ANXA8: variants seen among roughly 807,000 people sequenced by gnomAD.
ANXA8 encodes annexin A8.
In ANXA8, 9 loss-of-function variants were observed where a neutral mutation model predicts 26.8. The ratio of observed to expected loss-of-function variants is 0.34; its 90% CI spans 0.20 to 0.59. The LOEUF (loss-of-function observed/expected upper bound fraction) is 0.59. Ranked by LOEUF, ANXA8 falls within the 20% of genes least tolerant of loss-of-function variation. ANXA8 has a pLI of 0.84. For synonymous variants in ANXA8, 39 were observed against 94.8 expected (o/e 0.41, Z 3.42); for missense variants, 83 against 238.5 (o/e 0.35, Z 4.29).
chr10:47,538,474 A>G, the ANXA8 span: 2 of 136,222 alleles, frequency 1.5e-5, no homozygotes, highest in Admixed American at 1.5e-4. Context: ...GTGTGCACAC[A>G]CTGATGCCCC....
At chr10:47,649,948 C>T in the ANXA8 span, among the ~76,000 whole-genome samples, 1 of 151,092 alleles carries the variant, frequency 6.6e-6, no homozygotes, top group East Asian at 2.0e-4. Context: ...GTGCTCACTC[C>T]TGTAATCCCA....
chr10:47,696,378 T>A, the ANXA8 span: 2 of 1,152,484 alleles, frequency 1.7e-6, no homozygotes, highest in Non-Finnish European at 2.4e-6. Flanking sequence ...TATGGCATGA[T>A]CAGAATGTTT....
At chr10:47,943,473 C>T in the ANXA8 span, among the ~76,000 whole-genome samples, 1 of 146,298 alleles carries the variant, frequency 6.8e-6, no homozygotes, top group Non-Finnish European at 1.5e-5. Context: ...ACCCTCCCTT[C>T]CTGGGCCCTG....
At chr10:47,580,756 A>AAC in the ANXA8 span, among the ~76,000 whole-genome samples, 76 of 65,558 alleles carry the variant, frequency 1.2e-3, 1 homozygote, top group South Asian at 0.011. Context: ...AACAAAACAA[A>AAC]AAAAAAAAAC....
At chr10:47,898,757 T>G in the ANXA8 span, among the ~76,000 whole-genome samples, 2 of 109,202 alleles carry the variant, frequency 1.8e-5, no homozygotes, top group Admixed American at 9.1e-5. Context: ...TATGACATTT[T>G]AGTCAAAGCC....
the ANXA8 span, among the ~76,000 whole-genome samples, chr10:47,656,913 A>G: frequency 6.7e-6 from 1 of 149,404 alleles, no homozygotes; most frequent in African/African-American, 2.5e-5. Context: ...TCAGTTGTCC[A>G]CGGCATGGAC....
the ANXA8 span, among the ~76,000 whole-genome samples, chr10:47,756,840 G>A: frequency 7.0e-6 from 1 of 142,200 alleles, no homozygotes; most frequent in African/African-American, 2.6e-5. Flanking sequence ...GGGGAGGGAG[G>A]TGCGGGCCTC....
At chr10:47,630,452 C>T in the ANXA8 span, among the ~76,000 whole-genome samples, 9 of 149,768 alleles carry the variant, frequency 6.0e-5, no homozygotes, top group Non-Finnish European at 1.0e-4. Flanking sequence ...AAAAGGAAAA[C>T]TAAAATAACA....
chr10:47,486,405 A>G (rs1327855029), upstream of ANXA8, among the ~76,000 whole-genome samples: 1 of 140,612 alleles, frequency 7.1e-6, no homozygotes, highest in Non-Finnish European at 1.5e-5. Context: ...TTCTGGTGAA[A>G]CAGTTTTTTA....
At chr10:47,561,731 T>G in the ANXA8 span, among the ~76,000 whole-genome samples, 2 of 151,782 alleles carry the variant, frequency 1.3e-5, no homozygotes, top group African/African-American at 4.9e-5. Flanking sequence ...GAACAAGGAA[T>G]TAAAGCAGTG....
chr10:47,567,927 T>C, the ANXA8 span: 1 of 646,012 alleles, frequency 1.5e-6, no homozygotes, highest in Non-Finnish European at 2.8e-6. Flanking sequence ...TTATATGGAA[T>C]AGCAACCATC....
chr10:47,561,602 A>T, the ANXA8 span, among the ~76,000 whole-genome samples: 1 of 151,798 alleles, frequency 6.6e-6, no homozygotes, highest in African/African-American at 2.4e-5. Flanking sequence ...AAGTACATGT[A>T]TGTCAAAATT....
the ANXA8 span, chr10:47,710,634 G>A: frequency 7.7e-7 from 1 of 1,297,202 alleles, no homozygotes; most frequent in African/African-American, 1.7e-5. Context: ...TGTTAACAGT[G>A]GAACAGGCCC....
At chr10:47,913,933 CTTTTTTTTTT>C in the ANXA8 span, among the ~76,000 whole-genome samples, 1 of 32,546 alleles carries the variant, frequency 3.1e-5, no homozygotes, top group African/African-American at 1.1e-4. Context: ...TTAGAATCTT[CTTTTTTTTTT>C]TTTTTTTTTT....
the ANXA8 span, among the ~76,000 whole-genome samples, chr10:47,607,553 A>C: frequency 7.2e-6 from 1 of 139,696 alleles, no homozygotes; most frequent in Non-Finnish European, 1.5e-5. Context: ...TTTATTATTT[A>C]TCATTTTGCA....
the ANXA8 span, among the ~76,000 whole-genome samples, chr10:47,682,516 CT>C: frequency 6.9e-6 from 1 of 145,850 alleles, no homozygotes; most frequent in Non-Finnish European, 1.5e-5. Context: ...GTCGCCCAGG[CT>C]GGAGTACAGT....
chr10:47,484,247 C>G (rs1353329232), upstream of ANXA8: 13 of 691,996 alleles, frequency 1.9e-5, no homozygotes, highest in South Asian at 2.0e-4. Flanking sequence ...ATTCTTAGCT[C>G]CAGCCTGCGA....
chr10:47,487,156 G>A (rs1840063095), upstream of ANXA8: 2 of 1,285,324 alleles, frequency 1.6e-6, no homozygotes, highest in African/African-American at 1.5e-5. Flanking sequence ...AATATGTTAT[G>A]TCAACAAGAA....
the ANXA8 span, chr10:47,706,788 A>C: frequency 1.0e-6 from 1 of 992,574 alleles, no homozygotes; most frequent in East Asian, 3.2e-5. Flanking sequence ...GACACTGGGA[A>C]TATATTCTAG....
Sources: gnomAD v4.1 joint callset for allele counts (sites outside exome capture counted in the v4.1 genomes callset) on GRCh38, gnomAD v4.1.1 for gene constraint, MANE v1.5 for transcripts, NCBI Gene and HGNC (gene_info 2026-07-23, HGNC 2026-07-21) for gene names.